The following MATR3 variants were observed in gnomAD, a reference collection of about 807,000 sequenced individuals.
MATR3 encodes the protein matrin 3, also known as matrin-3.
In MATR3, 4 loss-of-function variants were observed where a neutral mutation model predicts 85.5. The ratio of observed to expected loss-of-function variants is 0.05; its 90% CI spans 0.02 to 0.11. The LOEUF is 0.11. Ranked by LOEUF, MATR3 falls within the 10% of genes least tolerant of loss-of-function variation. MATR3 has a pLI of 1.00. For synonymous variants in MATR3, 336 were observed against 343.1 expected, an observed-to-expected ratio of 0.98 and a Z score of 0.23; for missense variants, 685 against 1,016.1, an observed-to-expected ratio of 0.67 and a Z score of 4.43.
In MATR3 at chr5:139,326,093, A is replaced by G. The variant is rs983620379; in HGVS notation, c.2372-70A>G. 11 of 1,272,546 alleles carry G rather than the reference A, an allele frequency of 8.6e-6. No individual in the cohort carries two copies. The Admixed American group carries it at 1.8e-4, about 21-fold the overall frequency. The allele number at this position is 1,272,546 out of a possible 1,614,324, so 78.8% of individuals were successfully genotyped here. ...ATGTTGTTTCATTTAAATTATGTTG[A>G]CAGGTGAAATTGTGAATACTAAATA... On this transcript the variant is annotated intron_variant, in intron 13 of 14. Transcript: ENST00000394805.
chr5:139,278,896 G>A (rs977365319), intron 2 of MATR3: 1 of 517,286 alleles, frequency 1.9e-6, no homozygotes, highest in African/African-American at 1.9e-5. Context: ...TGGTGTTGTA[G>A]CTGAGTACCT....
chr5:139,287,874 G>A (rs1035574566), intron 3 of MATR3, among the ~76,000 whole-genome samples: 29 of 152,092 alleles, frequency 1.9e-4, no homozygotes, highest in African/African-American at 6.8e-4. Flanking sequence ...CATCATTGTA[G>A]AATGTCCTTC....
intron 12 of MATR3, among the ~76,000 whole-genome samples, chr5:139,323,629 C>T (rs573852583): frequency 2.0e-5 from 3 of 152,280 alleles, no homozygotes; most frequent in East Asian, 3.9e-4. Context: ...CGGAGTCAGG[C>T]GGGCCCAGTG....
chr5:139,274,923 A>G (rs1009297989), intron 1 of MATR3, among the ~76,000 whole-genome samples: 3 of 150,370 alleles, frequency 2.0e-5, no homozygotes, highest in African/African-American at 7.3e-5. Flanking sequence ...GACTCCGTCT[A>G]AAAAAAAATG....
At chr5:139,321,032 A>G (rs1755539562) in intron 9 of MATR3, among the ~76,000 whole-genome samples, 1 of 151,358 alleles carries the variant, frequency 6.6e-6, no homozygotes, top group Non-Finnish European at 1.5e-5. Context: ...CTGGGATTAC[A>G]GGCTGAGCCA....
chr5:139,293,718 C>T (rs562251529), upstream of MATR3: 42 of 353,618 alleles, frequency 1.2e-4, no homozygotes, highest in Non-Finnish European at 1.6e-4. Flanking sequence ...TTCTCGCCAG[C>T]GCCGTTGCTG....
At chr5:139,321,166 C>G (rs1038275253) in intron 9 of MATR3, among the ~76,000 whole-genome samples, 4 of 151,608 alleles carry the variant, frequency 2.6e-5, no homozygotes, top group Non-Finnish European at 2.9e-5. Flanking sequence ...TTGGTTTTTT[C>G]TGAGATGGAG....
At chr5:139,315,607 A>G in intron 3 of MATR3, 90 bp from the exon 4 acceptor site, 1 of 818,710 alleles carries the variant, frequency 1.2e-6, no homozygotes, top group Non-Finnish European at 2.2e-6. Context: ...TAACTTTACT[A>G]ATAAATGATC....
intron 9 of MATR3, among the ~76,000 whole-genome samples, chr5:139,320,714 T>TA (rs1456857967): frequency 6.6e-6 from 1 of 151,832 alleles, no homozygotes; most frequent in Admixed American, 6.6e-5. Context: ...TTATTTTTCT[T>TA]ACACTATTTT....
At position 139,319,661 on chromosome 5, in the gene MATR3, A is replaced by C. The variant is rs1581251524; in HGVS notation, c.1602+160A>C. 2.0e-5 allele frequency among the ~76,000 whole-genome samples: 3 copies of C among 152,080 alleles called. No homozygotes were observed. In the South Asian group the frequency reaches 6.3e-4, roughly 32 times the overall value. On this transcript the variant is annotated intron_variant, in intron 9 of 14. Coordinates refer to ENST00000394805, the MANE Select transcript of MATR3 (RefSeq NM_018834.6). ...TCAGGAGTTCGAGACCAGCCTGGCC[A>C]GCATGGTGAAATCGTATCTCTATTA...
chr5:139,278,977 A>T (rs1199669365), intron 2 of MATR3: 1 of 516,064 alleles, frequency 1.9e-6, no homozygotes, highest in African/African-American at 1.9e-5. Context: ...GGTGCAAACA[A>T]TTTTTTTCTG....
intron 1 of MATR3, among the ~76,000 whole-genome samples, chr5:139,303,401 G>C (rs1581228945): frequency 6.6e-6 from 1 of 152,178 alleles, no homozygotes; most frequent in Admixed American, 6.5e-5. Context: ...CGCCCTGCCA[G>C]AGAAAAATTA....
intron 1 of MATR3, chr5:139,294,667 T>C (rs1421923635): frequency 6.6e-6 from 1 of 151,976 alleles, no homozygotes; most frequent in Non-Finnish European, 1.5e-5. Context: ...CTTTTTCTCT[T>C]TATCAAAATA....
At chr5:139,308,653 T>A (rs922256506) in intron 2 of MATR3, among the ~76,000 whole-genome samples, 42 of 151,848 alleles carry the variant, frequency 2.8e-4, no homozygotes, top group African/African-American at 1.0e-3. Flanking sequence ...GTTTTAAGTA[T>A]TTTTTTTGCA....
Position 139,308,278 on chromosome 5 carries a change from G to T in MATR3, c.863G>T (p.Gly288Val). Reference sequence around the variant, plus strand: ...GACTTCCATGGACTCTTACCGAAGGGTTATCCCCATCTGTGCTCTATATGT... The same window carrying T: ...GACTTCCATGGACTCTTACCGAAGGTTTATCCCCATCTGTGCTCTATATGT... ...IEDFHGLLPK[G>V]YPHLCSICDL... Residue 288 changes from glycine (G) to valine (V), a missense_variant, in exon 2 of 15, where the codon GGT becomes GTT. Transcript: ENST00000394805. 2 of 1,614,094 alleles carry T rather than the reference G, an allele frequency of 1.2e-6. No individual in the cohort carries two copies. The highest frequency in any genetic ancestry group is 8.5e-7 in the Non-Finnish European group (1 of 1,179,990).
At chr5:139,292,869 G>T (rs940803995), upstream of MATR3, among the ~76,000 whole-genome samples, 14 of 152,200 alleles carry the variant, frequency 9.2e-5, no homozygotes, top group Non-Finnish European at 2.1e-4. Context: ...CGTGAACCCG[G>T]GAGGCGGAGT....
In MATR3 at chr5:139,319,887, T is replaced by TA. The variant is rs1230538814; in HGVS notation, c.1602+386_1602+387insA. Among the ~76,000 whole-genome samples the TA allele has an allele frequency of 7.1e-4, 92 of 129,758 alleles. 1 individual carries two copies. Among genetic ancestry groups the TA allele is most frequent in the Non-Finnish European group, 1.1e-3 (72 of 65,024 alleles). The allele number at this position is 129,758 out of a possible 152,430, so 85.1% of individuals were successfully genotyped here. ...TTTTTTTTTTTTTTTTTTTTTTTTTTTAAAGTATATCCCTATTTTTAGTGA... is the reference window on the plus strand; with the variant it reads ...TTTTTTTTTTTTTTTTTTTTTTTTTTATAAAGTATATCCCTATTTTTAGTGA... On this transcript the variant is annotated intron_variant, in intron 9 of 14. Coordinates refer to ENST00000394805, the MANE Select transcript of MATR3 (RefSeq NM_018834.6).
chr5:139,327,714 C>T (rs1295756665), intron 14 of MATR3, among the ~76,000 whole-genome samples: 1 of 152,128 alleles, frequency 6.6e-6, no homozygotes. Context: ...AGCCATAGTG[C>T]CCGCCCTGGT....
chr5:139,298,934 T>C (rs1754299673), intron 1 of MATR3, among the ~76,000 whole-genome samples: 1 of 152,208 alleles, frequency 6.6e-6, no homozygotes, highest in Non-Finnish European at 1.5e-5. Flanking sequence ...TAGGTTTAAC[T>C]CACAATTGTG....
Sources: allele counts gnomAD v4.1 joint callset (sites outside exome capture counted in the v4.1 genomes callset), GRCh38; gene constraint gnomAD v4.1.1; transcripts MANE v1.5; gene names NCBI Gene and HGNC (gene_info 2026-07-23, HGNC 2026-07-21).